Variants in LYRM4 observed in about 807,000 individuals in gnomAD.
LYRM4 encodes the protein LYR motif-containing protein 4.
LYRM4 carries 9 observed loss-of-function variants against 11.7 expected under a neutral mutation model. The observed-to-expected ratio is 0.77, with a 90% CI of 0.46 to 1.34. The LOEUF is 1.34. LYRM4 is among the 40% of genes most tolerant of loss of function. The pLI is 0.00. For missense variants in LYRM4, 133 were observed against 112.5 expected (o/e 1.18, Z -0.82); for synonymous variants, 42 against 40.4 (o/e 1.04, Z -0.15).
At chr6:5,073,624 TATAGTATAGGA>T in the LYRM4 span, among the ~76,000 whole-genome samples, 1 of 150,126 alleles carries the variant, frequency 6.7e-6, no homozygotes, top group Admixed American at 6.7e-5. Flanking sequence ...ATCCTATACA[TATAGTATAGGA>T]TTATGCCAAC....
chr6:5,219,792 C>T (rs1276136806), intron 1 of LYRM4, among the ~76,000 whole-genome samples: 1 of 151,200 alleles, frequency 6.6e-6, no homozygotes, highest in African/African-American at 2.4e-5. Context: ...AAGAATATTT[C>T]AAAGAAAAAT....
intron 2 of LYRM4, among the ~76,000 whole-genome samples, chr6:5,173,869 A>G (rs1759566860): frequency 6.6e-6 from 1 of 152,224 alleles, no homozygotes; most frequent in Admixed American, 6.5e-5. Context: ...GTTGCTTTCA[A>G]TAGGAAGCTG....
At chr6:5,078,815 C>T in the LYRM4 span, among the ~76,000 whole-genome samples, 3 of 152,172 alleles carry the variant, frequency 2.0e-5, no homozygotes, top group Non-Finnish European at 4.4e-5. Context: ...TCCACTGCTG[C>T]AGTTAAGCCC....
chr6:5,243,793 G>A (rs1264040028), intron 1 of LYRM4, among the ~76,000 whole-genome samples: 1 of 152,096 alleles, frequency 6.6e-6, no homozygotes, highest in East Asian at 1.9e-4. Flanking sequence ...TGGTTCTTCT[G>A]GCCTTTGAAA....
At chr6:5,066,129 A>AC in the LYRM4 span, 1 of 544,218 alleles carries the variant, frequency 1.8e-6, no homozygotes, top group South Asian at 1.7e-5. Context: ...ATAATTCCCT[A>AC]CACTTTGGGT....
At chr6:5,241,299 C>T (rs1023527147) in intron 1 of LYRM4, among the ~76,000 whole-genome samples, 3 of 152,126 alleles carry the variant, frequency 2.0e-5, no homozygotes, top group Admixed American at 2.0e-4. Context: ...ACATACAGTG[C>T]GTGACAGACA....
At chr6:5,258,553 G>T (rs1213705745) in intron 1 of LYRM4, among the ~76,000 whole-genome samples, 1 of 152,244 alleles carries the variant, frequency 6.6e-6, no homozygotes, top group African/African-American at 2.4e-5. Flanking sequence ...AGAGATTAGA[G>T]AGGAGGGAAG....
chr6:5,096,711 G>A, the LYRM4 span, among the ~76,000 whole-genome samples: 2 of 152,080 alleles, frequency 1.3e-5, no homozygotes, highest in African/African-American at 2.4e-5. Flanking sequence ...AAATAGGGGC[G>A]GTAACTCCTG....
At chr6:5,068,849 C>A in the LYRM4 span, among the ~76,000 whole-genome samples, 1 of 152,176 alleles carries the variant, frequency 6.6e-6, no homozygotes, top group Admixed American at 6.5e-5. This position sits in a 1 kb window ranked among gnomAD's most constrained non-coding sequence, Gnocchi z 4.0. Flanking sequence ...GGGCATTGTG[C>A]CTATAAACTT....
Position 5,173,044 on chromosome 6 carries a change from G to A in LYRM4, c.207+43574C>T, listed in dbSNP as rs1210886763. On this transcript the variant is annotated intron_variant, in intron 2 of 2. Coordinates refer to ENST00000330636, the MANE Select transcript of LYRM4 (RefSeq NM_020408.6). ...CCTGACTGCATTAAAAATACCGGAAGTATCATTGCTTTAATGTGCATTATA... is the reference window on the plus strand; with the variant it reads ...CCTGACTGCATTAAAAATACCGGAAATATCATTGCTTTAATGTGCATTATA... Among the ~76,000 whole-genome samples, 8 of 152,256 alleles carry A rather than the reference G, an allele frequency of 5.3e-5. No homozygotes were observed. The East Asian group carries it at 1.3e-3, about 26-fold the overall frequency.
At chr6:5,202,619 A>C (rs1581496586) in intron 2 of LYRM4, among the ~76,000 whole-genome samples, 1 of 152,102 alleles carries the variant, frequency 6.6e-6, no homozygotes, top group Non-Finnish European at 1.5e-5. Context: ...GTTTTTGGCC[A>C]CCCCACCCAC....
intron 2 of LYRM4, among the ~76,000 whole-genome samples, chr6:5,183,325 C>A (rs1307018715): frequency 6.6e-6 from 1 of 152,154 alleles, no homozygotes; most frequent in Non-Finnish European, 1.5e-5. Flanking sequence ...GAGAAATCAT[C>A]TTAAATACTT....
chr6:5,067,998 T>C, the LYRM4 span, among the ~76,000 whole-genome samples: 2 of 152,230 alleles, frequency 1.3e-5, no homozygotes, highest in Admixed American at 1.3e-4. Flanking sequence ...AAGAACACCC[T>C]ACATTTATCA....
chr6:5,101,708 A>G (rs962839421), downstream of LYRM4, among the ~76,000 whole-genome samples: 1 of 152,158 alleles, frequency 6.6e-6, no homozygotes, highest in Admixed American at 6.5e-5. Flanking sequence ...CTGGGGTTAG[A>G]GTCCCTCGTA....
chr6:5,096,999 G>A, the LYRM4 span, among the ~76,000 whole-genome samples: 1 of 152,198 alleles, frequency 6.6e-6, no homozygotes, highest in East Asian at 1.9e-4. Flanking sequence ...TTGTCCACAT[G>A]GTGGGACGCT....
At chr6:5,170,376 T>A (rs998753368) in intron 2 of LYRM4, among the ~76,000 whole-genome samples, 1 of 152,148 alleles carries the variant, frequency 6.6e-6, no homozygotes, top group African/African-American at 2.4e-5. Flanking sequence ...CACATATATA[T>A]ATATATGCAT....
intron 2 of LYRM4, among the ~76,000 whole-genome samples, chr6:5,209,860 T>C (rs1761903530): frequency 6.6e-6 from 1 of 152,210 alleles, no homozygotes; most frequent in South Asian, 2.1e-4. Context: ...AAGATGGGGC[T>C]TGGGAAAAGC....
chr6:5,244,483 G>C (rs1044271949), intron 1 of LYRM4, among the ~76,000 whole-genome samples: 7 of 152,156 alleles, frequency 4.6e-5, no homozygotes, highest in Non-Finnish European at 1.0e-4. Flanking sequence ...CAGATCTGAA[G>C]ATCTCAGGGG....
At chr6:5,123,550 A>G (rs886992150) in intron 2 of LYRM4, among the ~76,000 whole-genome samples, 1 of 152,246 alleles carries the variant, frequency 6.6e-6, no homozygotes, top group Non-Finnish European at 1.5e-5. Context: ...TTCAGGCAGC[A>G]TGCCCTGGCC....
Sources: allele counts gnomAD v4.1 joint callset (sites outside exome capture counted in the v4.1 genomes callset), GRCh38; gene constraint gnomAD v4.1.1; non-coding constraint Gnocchi (gnomAD v3.1); transcripts MANE v1.5; gene names NCBI Gene and HGNC (gene_info 2026-07-23, HGNC 2026-07-21).